KCND3: variants seen among roughly 807,000 people sequenced by gnomAD.
KCND3 encodes potassium voltage-gated channel subfamily D member 3.
A neutral mutation model predicts 51.1 loss-of-function variants in KCND3; 9 were observed. That is an observed-to-expected ratio of 0.18 (90% confidence interval 0.11 to 0.31). The LOEUF (loss-of-function observed/expected upper bound fraction) is 0.31. Among genes scored for constraint, KCND3 ranks in the 10% least tolerant of loss-of-function variants. The probability of loss-of-function intolerance (pLI) is 1.00; values close to 1 mark genes in which losing one functional copy is unlikely to be tolerated. For synonymous variants in KCND3, 349 were observed against 368.0 expected (o/e 0.95, Z 0.59); for missense variants, 526 against 903.8 (o/e 0.58, Z 5.36).
chr1:111,953,431 C>T (rs1247364478), intron 2 of KCND3, among the ~76,000 whole-genome samples: 1 of 152,214 alleles, frequency 6.6e-6, no homozygotes, highest in Non-Finnish European at 1.5e-5. Context: ...TTGATTCATG[C>T]TCGCATGATC....
At chr1:111,949,436 G>A (rs1672948097) in intron 2 of KCND3, among the ~76,000 whole-genome samples, 1 of 152,176 alleles carries the variant, frequency 6.6e-6, no homozygotes, top group African/African-American at 2.4e-5. Flanking sequence ...GAGAGAACAG[G>A]AGAGCCAGAG....
At chr1:111,809,543 C>T (rs919827774) in intron 2 of KCND3, among the ~76,000 whole-genome samples, 2 of 152,170 alleles carry the variant, frequency 1.3e-5, no homozygotes, top group Non-Finnish European at 2.9e-5. Context: ...CTCCTGACCT[C>T]ATGATCTACC....
chr1:111,804,932 C>G (rs892182816), intron 2 of KCND3, among the ~76,000 whole-genome samples: 1 of 152,118 alleles, frequency 6.6e-6, no homozygotes, highest in Non-Finnish European at 1.5e-5. Context: ...ACAGACAGCA[C>G]AGGAGGCGCC....
chr1:111,959,421 C>T (rs796167777), intron 2 of KCND3, among the ~76,000 whole-genome samples: 30 of 152,296 alleles, frequency 2.0e-4, no homozygotes, highest in African/African-American at 7.0e-4. Flanking sequence ...CCCTCTGGGT[C>T]TTCTGTTACT....
intron 2 of KCND3, among the ~76,000 whole-genome samples, chr1:111,834,230 C>T (rs1208710464): frequency 6.6e-6 from 1 of 152,156 alleles, no homozygotes; most frequent in African/African-American, 2.4e-5. Flanking sequence ...GCTATAGATG[C>T]CCACTAGGAT....
In KCND3 at chr1:111,938,667, G is replaced by A. The variant is rs116425468; in HGVS notation, c.1106+42954C>T. Among the ~76,000 whole-genome samples, 859 of 152,274 alleles carry A rather than the reference G, an allele frequency of 5.6e-3. 7 individuals carry two copies. The highest frequency in any genetic ancestry group is 6.3e-3 in the Non-Finnish European group (429 of 68,024). ...AGGTTATCTGAGGAAGAGGGTCCAGGGAGAGGAAGCAGCAACTGCAAAGGC... is the reference window on the plus strand; with the variant it reads ...AGGTTATCTGAGGAAGAGGGTCCAGAGAGAGGAAGCAGCAACTGCAAAGGC... On this transcript the variant is annotated intron_variant, in intron 2 of 7. Transcript: ENST00000302127.
At chr1:111,814,254 G>A (rs1416286) in intron 2 of KCND3, among the ~76,000 whole-genome samples, 90,032 of 151,810 alleles carry the variant, frequency 0.59, 27,254 homozygotes, top group East Asian at 0.78. Context: ...GAGCAGGCTC[G>A]TGGAGGAGCC....
chr1:111,827,558 C>A (rs1327989665), intron 2 of KCND3, among the ~76,000 whole-genome samples: 1 of 152,190 alleles, frequency 6.6e-6, no homozygotes, highest in African/African-American at 2.4e-5. Context: ...CAGCAGCTAA[C>A]TTATATTGAG....
At chr1:111,887,756 A>G (rs908677957) in intron 2 of KCND3, among the ~76,000 whole-genome samples, 5 of 152,220 alleles carry the variant, frequency 3.3e-5, no homozygotes, top group Non-Finnish European at 7.3e-5. Flanking sequence ...GCACTTAAAT[A>G]TGAGAGGGAA....
chr1:111,805,367 A>G lies in KCND3; in HGVS notation c.1107-18261T>C, dbSNP rs491899. Among the ~76,000 whole-genome samples, 769 of 152,284 alleles carry G rather than the reference A, an allele frequency of 5.0e-3. 9 individuals carry two copies. The highest frequency in any genetic ancestry group is 0.017 in the African/African-American group (727 of 41,550). Reference sequence around the variant, plus strand: ...CCACCGCCACAACCTGGATGCCACAACCTGGGTGGGCACCTGGGCCAGCCT... The same window carrying G: ...CCACCGCCACAACCTGGATGCCACAGCCTGGGTGGGCACCTGGGCCAGCCT... On this transcript the variant is annotated intron_variant, in intron 2 of 7. Coordinates refer to ENST00000302127, the MANE Select transcript of KCND3 (RefSeq NM_001378969.1).
At chr1:111,844,464 A>T (rs1341828091) in intron 2 of KCND3, among the ~76,000 whole-genome samples, 1 of 152,096 alleles carries the variant, frequency 6.6e-6, no homozygotes, top group Non-Finnish European at 1.5e-5. Context: ...GAACCTTGGC[A>T]TCTGCTGTCA....
At chr1:111,829,092 T>G (rs1405073044) in intron 2 of KCND3, among the ~76,000 whole-genome samples, 1 of 152,212 alleles carries the variant, frequency 6.6e-6, no homozygotes, top group Non-Finnish European at 1.5e-5. Context: ...AGAGAGAAAG[T>G]CATGTGAGCA....
chr1:111,867,025 C>T (rs1404548062), intron 2 of KCND3, among the ~76,000 whole-genome samples: 1 of 152,180 alleles, frequency 6.6e-6, no homozygotes. Flanking sequence ...CCTCGCTCTG[C>T]CAGTTAGTCA....
chr1:111,927,685 T>C (rs1176637415), intron 2 of KCND3, among the ~76,000 whole-genome samples: 2 of 152,234 alleles, frequency 1.3e-5, no homozygotes, highest in Admixed American at 1.3e-4. Flanking sequence ...AAGCATTCAC[T>C]GAGTCCTCAC....
intron 2 of KCND3, among the ~76,000 whole-genome samples, chr1:111,929,540 T>A (rs543207989): frequency 6.6e-6 from 1 of 152,350 alleles, no homozygotes; most frequent in East Asian, 1.9e-4. Context: ...GTTCCTTTTT[T>A]AAGTTCTTGT....
chr1:111,978,260 A>C (rs1479731585), intron 2 of KCND3, among the ~76,000 whole-genome samples: 1 of 152,258 alleles, frequency 6.6e-6, no homozygotes, highest in Non-Finnish European at 1.5e-5. Context: ...TCCACGTATC[A>C]GCTCTCTGTG....
At chr1:111,812,295 G>A (rs1057138778) in intron 2 of KCND3, among the ~76,000 whole-genome samples, 2 of 152,164 alleles carry the variant, frequency 1.3e-5, no homozygotes, top group East Asian at 3.9e-4. Context: ...TTTGCCTGTG[G>A]CCTCTGTGTG....
intron 2 of KCND3, among the ~76,000 whole-genome samples, chr1:111,843,219 T>C (rs1230218575): frequency 6.6e-6 from 1 of 152,124 alleles, no homozygotes; most frequent in African/African-American, 2.4e-5. Flanking sequence ...ATAGCAAGGC[T>C]CTTGGAGCTC....
intron 2 of KCND3, among the ~76,000 whole-genome samples, chr1:111,834,948 C>A (rs374616238): frequency 6.6e-6 from 1 of 152,182 alleles, no homozygotes; most frequent in Non-Finnish European, 1.5e-5. Flanking sequence ...GAGAAGCCAA[C>A]CCATTGCATC....
Sources: gnomAD v4.1 joint callset for allele counts (sites outside exome capture counted in the v4.1 genomes callset) on GRCh38, gnomAD v4.1.1 for gene constraint, MANE v1.5 for transcripts, NCBI Gene and HGNC (gene_info 2026-07-23, HGNC 2026-07-21) for gene names.